Variants in EPB41L4A observed in about 807,000 individuals in gnomAD.
The protein encoded by EPB41L4A is band 4.1-like protein 4A.
A neutral mutation model predicts 108.6 loss-of-function variants in EPB41L4A; 100 were observed. The observed-to-expected ratio is 0.92, with a 90% CI of 0.78 to 1.09. EPB41L4A has a LOEUF of 1.09. Among genes scored for constraint, EPB41L4A ranks in the 50% least tolerant of loss-of-function variants. The probability of loss-of-function intolerance (pLI) is 0.00; values close to 1 mark genes in which losing one functional copy is unlikely to be tolerated. For missense variants in EPB41L4A, 1,030 were observed against 842.7 expected (o/e 1.22, Z -2.75); for synonymous variants, 319 against 289.0 (o/e 1.10, Z -1.05).
intron 12 of EPB41L4A, among the ~76,000 whole-genome samples, chr5:112,149,858 C>G (rs1363402481): frequency 6.6e-6 from 1 of 152,130 alleles, no homozygotes; most frequent in Admixed American, 6.5e-5. Flanking sequence ...TTTGCTCACC[C>G]CAGTGGCTTA....
chr5:112,352,673 TTTC>T (rs751948016), intron 1 of EPB41L4A, among the ~76,000 whole-genome samples: 2 of 152,212 alleles, frequency 1.3e-5, no homozygotes, highest in Admixed American at 6.5e-5. Flanking sequence ...CCTTTCTTCC[TTTC>T]TTATTATTAT....
chr5:112,210,205 A>C, intron 12 of EPB41L4A: 1 of 345,862 alleles, frequency 2.9e-6, no homozygotes, highest in Admixed American at 4.6e-5. Context: ...AGTCTAGGCT[A>C]TTTTTTTCAG....
chr5:112,368,325 C>T (rs183502260), intron 1 of EPB41L4A, among the ~76,000 whole-genome samples: 18 of 152,168 alleles, frequency 1.2e-4, no homozygotes, highest in South Asian at 8.3e-4. Context: ...TTCTTTCCAC[C>T]GTATGTGTGA....
At chr5:112,289,963 A>G (rs992397533) in intron 2 of EPB41L4A, among the ~76,000 whole-genome samples, 2 of 152,172 alleles carry the variant, frequency 1.3e-5, no homozygotes, top group Non-Finnish European at 2.9e-5. Flanking sequence ...CAAACTTGCT[A>G]TTCCTCCTGT....
chr5:112,222,103 C>T (rs4958016), intron 12 of EPB41L4A, among the ~76,000 whole-genome samples: 147,398 of 152,324 alleles, frequency 0.97, 71,536 homozygotes, highest in East Asian at 1. Flanking sequence ...AAAGAACTTA[C>T]ACATTTTCTT....
chr5:112,195,645 ATT>A lies in EPB41L4A; in HGVS notation c.1424+14_1424+15del, dbSNP rs769548897. 3.1e-6 allele frequency: 5 copies of A among 1,604,672 alleles called. No individual in the cohort carries two copies. The highest frequency in any genetic ancestry group is 4.3e-6 in the Non-Finnish European group (5 of 1,171,726). On this transcript the variant is annotated intron_variant, in intron 16 of 22. Coordinates refer to ENST00000261486, the MANE Select transcript of EPB41L4A (RefSeq NM_022140.5). ...CCTTCTTCCCTCTGACTGTCCTTCC[ATT>A]TTTGTTTTTTTACCTCCTCCTTTGC...
intron 9 of EPB41L4A, among the ~76,000 whole-genome samples, chr5:112,244,860 A>G (rs1750092545): frequency 1.3e-5 from 2 of 152,156 alleles, no homozygotes; most frequent in African/African-American, 4.8e-5. Context: ...TAGAAAGTAG[A>G]GCCTTATCAA....
intron 1 of EPB41L4A, among the ~76,000 whole-genome samples, chr5:112,409,854 G>C (rs1762310903): frequency 6.6e-6 from 1 of 152,140 alleles, no homozygotes; most frequent in Admixed American, 6.5e-5. Context: ...CCAACTCAAA[G>C]AGGGTAAGTG....
At chr5:112,312,518 A>G (rs1321809646) in intron 1 of EPB41L4A, among the ~76,000 whole-genome samples, 1 of 151,916 alleles carries the variant, frequency 6.6e-6, no homozygotes, top group East Asian at 1.9e-4. Context: ...CTACACAGGC[A>G]CCTGGAGCAG....
intron 9 of EPB41L4A, among the ~76,000 whole-genome samples, chr5:112,245,522 T>G (rs1345129415): frequency 1.3e-5 from 2 of 152,228 alleles, no homozygotes; most frequent in Admixed American, 6.5e-5. Flanking sequence ...ACAGCAAGGC[T>G]ATCTGTAATT....
At chr5:112,261,835 T>C (rs3923453) in intron 7 of EPB41L4A, among the ~76,000 whole-genome samples, 45,384 of 151,590 alleles carry the variant, frequency 0.3, 6,936 homozygotes, top group African/African-American at 0.33. Context: ...TAAAATCTAT[T>C]TTTTGAAAAA....
intron 1 of EPB41L4A, among the ~76,000 whole-genome samples, chr5:112,385,920 C>T (rs1233990182): frequency 6.6e-6 from 1 of 152,176 alleles, no homozygotes; most frequent in Non-Finnish European, 1.5e-5. Flanking sequence ...GGACATTACT[C>T]CTTTCTTCCT....
chr5:112,230,441 T>C (rs886141150), intron 12 of EPB41L4A, among the ~76,000 whole-genome samples: 3 of 152,208 alleles, frequency 2.0e-5, no homozygotes, highest in Non-Finnish European at 4.4e-5. Flanking sequence ...AGTAAAGCGG[T>C]ATCTCATTGT....
chr5:112,299,817 T>C (rs1335599072), intron 2 of EPB41L4A, among the ~76,000 whole-genome samples: 2 of 152,216 alleles, frequency 1.3e-5, no homozygotes, highest in Non-Finnish European at 2.9e-5. Flanking sequence ...CTAGTAGTAA[T>C]TGTTTTACAA....
chr5:112,356,067 G>A lies in EPB41L4A; in HGVS notation c.100-48577C>T, dbSNP rs190687070. 3.1e-3 allele frequency among the ~76,000 whole-genome samples: 471 copies of A among 152,242 alleles called. 8 individuals are homozygous for A. The highest frequency in any genetic ancestry group is 0.03 in the Admixed American group (454 of 15,294). The stretch of plus-strand genomic sequence containing the variant: ...ATGTTACTTGACTGATTACTTGAGA[G>A]ATAACTTATGTTAAATTTTGGAAGG... On this transcript the variant is annotated intron_variant, in intron 1 of 22. Coordinates refer to ENST00000261486, the MANE Select transcript of EPB41L4A (RefSeq NM_022140.5).
At chr5:112,165,573 C>G (rs1760193761) in intron 22 of EPB41L4A, among the ~76,000 whole-genome samples, 1 of 152,152 alleles carries the variant, frequency 6.6e-6, no homozygotes, top group South Asian at 2.1e-4. Flanking sequence ...AGCTCATTAC[C>G]AGAGCCTGGG....
chr5:112,184,284 T>C, intron 17 of EPB41L4A, 149 bp from the exon 18 acceptor site: 4 of 820,778 alleles, frequency 4.9e-6, no homozygotes, highest in Non-Finnish European at 3.7e-6. Context: ...TGAATTAATA[T>C]ATCCATATGT....
At chr5:112,321,079 G>T (rs751720969) in intron 1 of EPB41L4A, among the ~76,000 whole-genome samples, 1 of 152,178 alleles carries the variant, frequency 6.6e-6, no homozygotes, top group Non-Finnish European at 1.5e-5. Context: ...ATGACAGTAT[G>T]TAGGAAATTC....
intron 11 of EPB41L4A, 127 bp downstream of exon 11, chr5:112,239,533 T>G: frequency 1.9e-6 from 1 of 524,274 alleles, no homozygotes; most frequent in Non-Finnish European, 3.3e-6. Flanking sequence ...CTGTTATGCT[T>G]ACAAAACACA....
Sources: allele counts gnomAD v4.1 joint callset (sites outside exome capture counted in the v4.1 genomes callset), GRCh38; gene constraint gnomAD v4.1.1; transcripts MANE v1.5; gene names NCBI Gene and HGNC (gene_info 2026-07-23, HGNC 2026-07-21).